The following GART variants were observed in gnomAD, a reference collection of about 807,000 sequenced individuals.
GART encodes the protein phosphoribosylglycinamide formyltransferase, phosphoribosylglycinamide synthetase, phosphoribosylaminoimidazole synthetase.
Under a neutral mutation model 107.2 loss-of-function variants are expected in GART, and 43 were observed. The observed-to-expected ratio is 0.40, with a 90% CI of 0.31 to 0.52. The LOEUF (loss-of-function observed/expected upper bound fraction) is 0.52, where lower values mean the gene tolerates loss of function less well. Among genes scored for constraint, GART ranks in the 20% least tolerant of loss-of-function variants. GART has a pLI of 0.52. For synonymous variants in GART, 434 were observed against 427.0 expected, an observed-to-expected ratio of 1.02 and a Z score of -0.20; for missense variants, 1,107 against 1,206.5, an observed-to-expected ratio of 0.92 and a Z score of 1.22.
chr21:33,518,061 T>C (rs992984435), intron 14 of GART, among the ~76,000 whole-genome samples: 1 of 152,262 alleles, frequency 6.6e-6, no homozygotes, highest in African/African-American at 2.4e-5. Flanking sequence ...CTTACAATTA[T>C]ATCATGTCAA....
At chr21:33,523,848 T>C (rs1005312279) in intron 11 of GART, among the ~76,000 whole-genome samples, 20 of 150,602 alleles carry the variant, frequency 1.3e-4, no homozygotes, top group Non-Finnish European at 2.7e-4. Flanking sequence ...GCACCTGTAA[T>C]CCCAGCTACT....
intron 16 of GART, among the ~76,000 whole-genome samples, chr21:33,511,825 C>T (rs1464393736): frequency 6.6e-6 from 1 of 152,056 alleles, no homozygotes; most frequent in East Asian, 1.9e-4. Flanking sequence ...CCAAAATGCA[C>T]CCAAAGTACA....
chr21:33,526,232 G>A (rs999418422), intron 10 of GART, among the ~76,000 whole-genome samples: 2 of 151,830 alleles, frequency 1.3e-5, no homozygotes, highest in Admixed American at 6.6e-5. Context: ...GTGCAGTTGT[G>A]CGACCTCGGC....
chr21:33,516,246 TAAAAAAA>T (rs11321647), intron 16 of GART, among the ~76,000 whole-genome samples: 1 of 95,196 alleles, frequency 1.1e-5, no homozygotes, highest in Non-Finnish European at 2.0e-5. Context: ...AGACTCTGTC[TAAAAAAA>T]AAAAAAAAAA....
chr21:33,528,905 A>C lies in GART; in HGVS notation c.756T>G (p.Asp252Glu), dbSNP rs752561814. 6.2e-7 allele frequency: 1 copy of C among 1,613,282 alleles called. No individual in the cohort carries two copies. Among genetic ancestry groups the C allele is most frequent in the East Asian group, 2.2e-5 (1 of 44,850 alleles). Residue 252 changes from aspartate (D) to glutamate (E), a missense_variant, in exon 8 of 22, where the codon GAT (aspartate) becomes GAG (glutamate). Transcript: ENST00000381815. ...CATCCACTGTCCTCTGAAGAACAGT[A>C]TCTTTAATTTTTAGTAATAGATCAT... ...VSNDLLLKIK[D>E]TVLQRTVDGM... is the part of the protein sequence containing the mutation.
chr21:33,515,652 C>CAAAAAAAAAAAAAAAAAAAAAAAACAA (rs71194850), intron 16 of GART, among the ~76,000 whole-genome samples: 1 of 35,854 alleles, frequency 2.8e-5, no homozygotes, highest in Non-Finnish European at 4.8e-5. Flanking sequence ...GACTCCAACT[C>CAAAAAAAAAAAAAAAAAAAAAAAACAA]AAAAAAAAAA....
intron 2 of GART, among the ~76,000 whole-genome samples, 199 bp from the exon 3 acceptor site, chr21:33,535,519 A>G (rs2085288511): frequency 6.6e-6 from 1 of 152,202 alleles, no homozygotes; most frequent in African/African-American, 2.4e-5. Flanking sequence ...AACAGAGCTC[A>G]GTTCTCCGTT....
intron 3 of GART, among the ~76,000 whole-genome samples, 179 bp from the exon 4 acceptor site, chr21:33,534,932 T>C (rs1218385463): frequency 3.3e-5 from 5 of 152,224 alleles, no homozygotes; most frequent in African/African-American, 1.2e-4. Flanking sequence ...TAACATGTTA[T>C]TCAAATCTAT....
chr21:33,514,172 G>C (rs1185320039), intron 16 of GART, among the ~76,000 whole-genome samples: 1 of 152,118 alleles, frequency 6.6e-6, no homozygotes, highest in Non-Finnish European at 1.5e-5. Flanking sequence ...GGAGGCTGAG[G>C]TCGGAGAATC....
Position 33,528,161 on chromosome 21 carries a change from AC to A in GART, c.1066+5del. 2 of 1,612,678 alleles carry A rather than the reference AC, an allele frequency of 1.2e-6. No homozygotes were observed. Among genetic ancestry groups the A allele is most frequent in the Non-Finnish European group, 1.7e-6 (2 of 1,179,438 alleles). ...GTACTCCAACCTCTTGCTCCCTGAC[AC>A]TCACCTGTTATCTCTACACCCTTGG... On this transcript the variant is annotated splice_donor_5th_base_variant and intron_variant, in intron 10 of 21. Coordinates refer to ENST00000381815, the MANE Select transcript of GART (RefSeq NM_000819.5).
intron 16 of GART, among the ~76,000 whole-genome samples, chr21:33,513,857 C>T (rs2084832829): frequency 6.6e-6 from 1 of 152,168 alleles, no homozygotes; most frequent in Non-Finnish European, 1.5e-5. Context: ...AAATTATGAT[C>T]TTGTTTTAGT....
At chr21:33,517,668 G>A in intron 14 of GART, 60 bp from the exon 15 acceptor site, 1 of 1,562,376 alleles carries the variant, frequency 6.4e-7, no homozygotes, top group Non-Finnish European at 8.8e-7. Flanking sequence ...CTAGGAAACA[G>A]TGGCACAGGC....
chr21:33,524,036 C>T, intron 11 of GART: 5 of 884,828 alleles, frequency 5.7e-6, no homozygotes, highest in Non-Finnish European at 6.7e-6. Context: ...ATTGATTTTA[C>T]AAGTCAACAG....
intron 19 of GART, 21 bp from the exon 20 acceptor site, chr21:33,505,723 C>G: frequency 6.4e-7 from 1 of 1,568,092 alleles, no homozygotes. Context: ...AAAAGATAAG[C>G]ACAACCCTTT....
At position 33,528,515 on chromosome 21, in the gene GART, C is replaced by G. The variant is rs1465182632; in HGVS notation, c.897+4G>C. ...CCAAGTAATACTTTGATATTTTTAC[C>G]CACTTGGCACTCTGGATCACCAAAA... On this transcript the variant is annotated splice_donor_region_variant and intron_variant, in intron 9 of 21. Coordinates refer to ENST00000381815, the MANE Select transcript of GART (RefSeq NM_000819.5). 5.0e-6 allele frequency: 8 copies of G among 1,597,466 alleles called. No individual in the cohort carries two copies. The highest frequency in any genetic ancestry group is 1.7e-4 in the Middle Eastern group (1 of 5,980).
chr21:33,522,183 C>T lies in GART; in HGVS notation c.1393+5G>A. The T allele has an allele frequency of 1.2e-5, 20 of 1,606,022 alleles. No homozygotes were observed. The highest frequency in any genetic ancestry group is 1.7e-5 in the Non-Finnish European group (20 of 1,172,738). ...AATGAATTAGCAAAGTATAGGATCA[C>T]TGACCTGATCTGGAAGTGGCTTTTG... On this transcript the variant is annotated splice_donor_5th_base_variant and intron_variant, in intron 12 of 21. Coordinates refer to ENST00000381815, the MANE Select transcript of GART (RefSeq NM_000819.5).
intron 1 of GART, among the ~76,000 whole-genome samples, chr21:33,541,520 T>C (rs2085424392): frequency 6.6e-6 from 1 of 152,242 alleles, no homozygotes; most frequent in African/African-American, 2.4e-5. Context: ...CTGTTTACTC[T>C]AGTGGATCAC....
chr21:33,512,421 G>A (rs912539039), intron 16 of GART, among the ~76,000 whole-genome samples: 1 of 151,556 alleles, frequency 6.6e-6, no homozygotes, highest in Non-Finnish European at 1.5e-5. Context: ...AAAGAATCTG[G>A]ATAGTTCTTT....
At chr21:33,505,786 T>G (rs538669937) in intron 19 of GART, 84 bp from the exon 20 acceptor site, 1 of 1,373,862 alleles carries the variant, frequency 7.3e-7, no homozygotes, top group East Asian at 2.3e-5. Context: ...AGACCATACT[T>G]CACTTCCTTG....
Sources: gnomAD v4.1 joint callset for allele counts (sites outside exome capture counted in the v4.1 genomes callset) on GRCh38, gnomAD v4.1.1 for gene constraint, MANE v1.5 for transcripts, NCBI Gene and HGNC (gene_info 2026-07-23, HGNC 2026-07-21) for gene names.